SYTL2: variants seen among roughly 807,000 people sequenced by gnomAD.
SYTL2 encodes the protein synaptotagmin like 2, also known as synaptotagmin-like protein 2.
In SYTL2, 165 loss-of-function variants were observed where a neutral mutation model predicts 198.7. That is an observed-to-expected ratio of 0.83 (90% CI 0.73 to 0.94). The LOEUF is 0.94. Ranked by LOEUF, SYTL2 falls within the 40% of genes least tolerant of loss-of-function variation. The probability of loss-of-function intolerance (pLI) is 0.00; values close to 1 mark genes in which losing one functional copy is unlikely to be tolerated. For missense variants in SYTL2, 2,835 were observed against 2,582.8 expected (o/e 1.10, Z -2.12); for synonymous variants, 966 against 917.7 (o/e 1.05, Z -0.95).
the SYTL2 span, among the ~76,000 whole-genome samples, chr11:85,838,677 C>G: frequency 6.6e-6 from 1 of 152,254 alleles, no homozygotes; most frequent in South Asian, 2.1e-4. Flanking sequence ...GCAAAGACAG[C>G]ACCAAGCCAT....
chr11:85,789,355 T>TAC lies in SYTL2; in HGVS notation c.-390+21598_-390+21599insGT, dbSNP rs1365641845. Among the ~76,000 whole-genome samples, 24 of 55,968 alleles carry TAC rather than the reference T, an allele frequency of 4.3e-4. No homozygotes were observed. The South Asian group carries it at 0.013, about 30-fold the overall frequency. 36.7% of individuals were successfully genotyped at this position (55,968 alleles called of 152,430 possible). A position where few individuals can be genotyped will look rare whatever the true frequency, so the allele number is the denominator to read the frequency against. ...GTGTGTGTGTGTATATATATATATA[T>TAC]ATATATATATATATATATATATGTA... On this transcript the variant is annotated intron_variant, in intron 1 of 19. Coordinates refer to ENST00000359152, the MANE Select transcript of SYTL2 (RefSeq NM_206927.4).
chr11:85,712,553 G>A (rs2086487133), intron 12 of SYTL2, among the ~76,000 whole-genome samples: 1 of 152,116 alleles, frequency 6.6e-6, no homozygotes, highest in South Asian at 2.1e-4. Context: ...AAATGATAGA[G>A]CTTAATTCTG....
At chr11:85,752,751 C>T (rs911574385) in intron 2 of SYTL2, among the ~76,000 whole-genome samples, 1 of 151,738 alleles carries the variant, frequency 6.6e-6, no homozygotes, top group Admixed American at 6.6e-5. Flanking sequence ...ATCTCCTCAT[C>T]TGTTAAGTGG....
intron 15 of SYTL2, among the ~76,000 whole-genome samples, chr11:85,706,853 G>A (rs1348949867): frequency 9.5e-6 from 1 of 105,340 alleles, no homozygotes; most frequent in Non-Finnish European, 1.9e-5. Flanking sequence ...TTGTTGTTTT[G>A]TTTTTTGAGA....
At chr11:85,812,468 A>G (rs1407091059), upstream of SYTL2, among the ~76,000 whole-genome samples, 1 of 152,198 alleles carries the variant, frequency 6.6e-6, no homozygotes, top group Non-Finnish European at 1.5e-5. Flanking sequence ...GCCACATGCA[A>G]AAGAGGAATA....
At chr11:85,718,698 T>C in intron 10 of SYTL2, 92 bp downstream of exon 10, 1 of 1,150,942 alleles carries the variant, frequency 8.7e-7, no homozygotes, top group Admixed American at 1.9e-5. Context: ...ATGACGTTCT[T>C]CTGTTTACCC....
intron 11 of SYTL2, 131 bp from the exon 12 acceptor site, chr11:85,714,638 G>T (rs927035641): frequency 1.4e-6 from 2 of 1,430,624 alleles, no homozygotes; most frequent in Non-Finnish European, 1.8e-6. Flanking sequence ...AGGCAGAGTA[G>T]TCCACATGCA....
Position 85,698,894 on chromosome 11 carries a change from T to C in SYTL2, c.6269-816A>G, listed in dbSNP as rs558107988. 2.9e-4 allele frequency among the ~76,000 whole-genome samples: 44 copies of C among 152,338 alleles called. 1 individual carries two copies. Among genetic ancestry groups the C allele is most frequent in the African/African-American group, 9.4e-4 (39 of 41,578 alleles). On this transcript the variant is annotated intron_variant, in intron 17 of 19. Coordinates refer to ENST00000359152, the MANE Select transcript of SYTL2 (RefSeq NM_206927.4). ...GTATGTACATACGTAATAGTTAATA[T>C]TATGGGCAGATAGTTACTAAGAAGT...
At chr11:85,812,602 C>G (rs1357740507), upstream of SYTL2, among the ~76,000 whole-genome samples, 1 of 152,192 alleles carries the variant, frequency 6.6e-6, no homozygotes, top group Admixed American at 6.5e-5. Flanking sequence ...ATAAAAAATA[C>G]AAATGTGACC....
intron 1 of SYTL2, among the ~76,000 whole-genome samples, chr11:85,788,298 T>C (rs2092669721): frequency 6.6e-6 from 1 of 152,204 alleles, no homozygotes; most frequent in Admixed American, 6.5e-5. Context: ...TCTTAAGACT[T>C]TGCACGCTTT....
At chr11:85,851,180 A>T in the SYTL2 span, among the ~76,000 whole-genome samples, 1 of 152,228 alleles carries the variant, frequency 6.6e-6, no homozygotes, top group Non-Finnish European at 1.5e-5. Flanking sequence ...GTATAATAAA[A>T]AAAAAAGAGA....
chr11:85,741,913 A>T (rs1337551008), intron 4 of SYTL2, among the ~76,000 whole-genome samples: 3 of 152,206 alleles, frequency 2.0e-5, no homozygotes, highest in African/African-American at 7.2e-5. Flanking sequence ...TAGTGTTTTA[A>T]TTCTACCAAA....
the SYTL2 span, among the ~76,000 whole-genome samples, chr11:85,820,985 G>A: frequency 4.6e-5 from 7 of 152,198 alleles, no homozygotes; most frequent in African/African-American, 1.7e-4. Context: ...CAGGCAGGGT[G>A]CTGCATGCTG....
chr11:85,810,791 C>T (rs1173329486), intron 1 of SYTL2, among the ~76,000 whole-genome samples, 163 bp downstream of exon 1: 1 of 152,234 alleles, frequency 6.6e-6, no homozygotes, highest in Admixed American at 6.5e-5. Flanking sequence ...TTCCCCGTGC[C>T]AAAACGCAGT....
At chr11:85,777,007 A>G (rs1367838953) in intron 1 of SYTL2, among the ~76,000 whole-genome samples, 1 of 152,222 alleles carries the variant, frequency 6.6e-6, no homozygotes, top group African/African-American at 2.4e-5. Context: ...GGAAAGATTC[A>G]GACAAGTCAC....
At chr11:85,709,288 T>C (rs1162863026) in intron 14 of SYTL2, 43 bp downstream of exon 14, 1 of 1,587,970 alleles carries the variant, frequency 6.3e-7, no homozygotes, top group Non-Finnish European at 8.6e-7. Flanking sequence ...AGATTGACAG[T>C]TGGAGAACTA....
At chr11:85,718,921 C>T (rs970981069) in intron 9 of SYTL2, 78 bp from the exon 10 acceptor site, 4 of 1,574,568 alleles carry the variant, frequency 2.5e-6, no homozygotes, top group African/African-American at 1.4e-5. Context: ...TCCCTGGAAG[C>T]CCCCGGAGTT....
At chr11:85,827,772 T>G in the SYTL2 span, among the ~76,000 whole-genome samples, 1 of 152,328 alleles carries the variant, frequency 6.6e-6, no homozygotes, top group South Asian at 2.1e-4. Flanking sequence ...GGGGTAGTCA[T>G]AAGAAAATCC....
chr11:85,825,459 G>T, the SYTL2 span, among the ~76,000 whole-genome samples: 427 of 151,532 alleles, frequency 2.8e-3, no homozygotes, highest in Non-Finnish European at 4.4e-3. Flanking sequence ...CTAGTTCCTA[G>T]AAGCTATTTT....
Sources: allele counts gnomAD v4.1 joint callset (sites outside exome capture counted in the v4.1 genomes callset), GRCh38; gene constraint gnomAD v4.1.1; transcripts MANE v1.5; gene names NCBI Gene and HGNC (gene_info 2026-07-23, HGNC 2026-07-21).